Variants in ANKS1B observed in about 807,000 individuals in gnomAD.
ANKS1B encodes the protein ankyrin repeat and sterile alpha motif domain containing 1B, also known as ankyrin repeat and sterile alpha motif domain-containing protein 1B.
A neutral mutation model predicts 148.3 loss-of-function variants in ANKS1B; 36 were observed. The ratio of observed to expected loss-of-function variants is 0.24; its 90% CI spans 0.19 to 0.32. ANKS1B has a LOEUF of 0.32. Ranked by LOEUF, ANKS1B falls within the 10% of genes least tolerant of loss-of-function variation. The probability of loss-of-function intolerance (pLI) is 1.00; values close to 1 mark genes in which losing one functional copy is unlikely to be tolerated. For synonymous variants in ANKS1B, 542 were observed against 560.8 expected, an observed-to-expected ratio of 0.97 and a Z score of 0.47; for missense variants, 1,157 against 1,542.6, an observed-to-expected ratio of 0.75 and a Z score of 4.19.
In ANKS1B at chr12:99,855,043, C is replaced by T. The variant is rs570696501; in HGVS notation, c.135-29654G>A. Among the ~76,000 whole-genome samples the T allele has an allele frequency of 2.0e-5, 3 of 151,614 alleles. No individual in the cohort carries two copies. In the East Asian group the frequency reaches 5.8e-4, roughly 29 times the overall value. On this transcript the variant is annotated intron_variant, in intron 1 of 26. Transcript: ENST00000683438. The stretch of plus-strand genomic sequence containing the variant: ...AAATAGCATGATGAATAAAATAGTA[C>T]CTCACATCTCGATACTAACATTGAA...
chr12:98,968,014 G>T (rs1173451993), intron 17 of ANKS1B, among the ~76,000 whole-genome samples: 1 of 152,038 alleles, frequency 6.6e-6, no homozygotes, highest in Non-Finnish European at 1.5e-5. Flanking sequence ...GGGCATTTTT[G>T]GGAAAATAGG....
intron 12 of ANKS1B, among the ~76,000 whole-genome samples, chr12:99,360,652 C>T (rs946169967): frequency 3.3e-5 from 5 of 152,074 alleles, no homozygotes; most frequent in Admixed American, 2.6e-4. Flanking sequence ...CTTTCATAAG[C>T]ACAGCATGTA....
intron 10 of ANKS1B, among the ~76,000 whole-genome samples, chr12:99,494,998 A>T (rs1017897141): frequency 1.3e-5 from 2 of 152,072 alleles, no homozygotes; most frequent in Non-Finnish European, 2.9e-5. Flanking sequence ...AAAATATGAG[A>T]CCATCTGCTG....
chr12:99,481,855 G>C (rs12579567), intron 10 of ANKS1B, among the ~76,000 whole-genome samples: 5,790 of 151,790 alleles, frequency 0.038, 151 homozygotes, highest in South Asian at 0.084. Flanking sequence ...TCCTTGTCAA[G>C]TTTTTGAAGG....
At chr12:99,289,662 T>C (rs1405712576) in intron 12 of ANKS1B, among the ~76,000 whole-genome samples, 1 of 152,000 alleles carries the variant, frequency 6.6e-6, no homozygotes, top group African/African-American at 2.4e-5. Flanking sequence ...AATATGCTTC[T>C]GAATGACCAG....
At chr12:99,676,349 T>C (rs185411868) in intron 8 of ANKS1B, among the ~76,000 whole-genome samples, 6 of 152,302 alleles carry the variant, frequency 3.9e-5, no homozygotes, top group Admixed American at 2.0e-4. Context: ...CACATCTCTG[T>C]ATGACAGGTG....
At chr12:98,940,731 A>T (rs1322146729) in intron 17 of ANKS1B, among the ~76,000 whole-genome samples, 1 of 152,240 alleles carries the variant, frequency 6.6e-6, no homozygotes, top group Non-Finnish European at 1.5e-5. Context: ...GTGAGGCAAC[A>T]AATGAATCAA....
intron 9 of ANKS1B, among the ~76,000 whole-genome samples, chr12:99,564,071 C>T (rs1329118235): frequency 6.6e-6 from 1 of 152,042 alleles, no homozygotes; most frequent in African/African-American, 2.4e-5. Flanking sequence ...TTGGATTGTA[C>T]TTGTTTTGTT....
intron 12 of ANKS1B, among the ~76,000 whole-genome samples, chr12:99,300,405 G>A (rs1410031586): frequency 1.3e-5 from 2 of 151,490 alleles, no homozygotes; most frequent in Non-Finnish European, 2.9e-5. Context: ...TGGGCTTTTT[G>A]TTTTCTCTCA....
intron 8 of ANKS1B, among the ~76,000 whole-genome samples, chr12:99,751,578 C>T (rs1367342561): frequency 6.6e-6 from 1 of 152,008 alleles, no homozygotes; most frequent in Non-Finnish European, 1.5e-5. Context: ...CTAACATCTA[C>T]CCATCCACCC....
chr12:99,819,811 A>G (rs1446427968), intron 2 of ANKS1B, among the ~76,000 whole-genome samples: 2 of 151,550 alleles, frequency 1.3e-5, no homozygotes, highest in African/African-American at 4.8e-5. Context: ...AAAAGAAGAG[A>G]GGAGAAAAGT....
At chr12:99,196,615 C>CT (rs1036146365) in intron 14 of ANKS1B, among the ~76,000 whole-genome samples, 19 of 150,424 alleles carry the variant, frequency 1.3e-4, no homozygotes, top group South Asian at 2.1e-4. Context: ...TGTTTTTTTT[C>CT]TTTTTTTTAA....
chr12:99,491,132 C>T (rs2096551057), intron 10 of ANKS1B, among the ~76,000 whole-genome samples: 1 of 151,986 alleles, frequency 6.6e-6, no homozygotes, highest in African/African-American at 2.4e-5. Flanking sequence ...AGTGAAACCC[C>T]ATCTCTATTA....
intron 1 of ANKS1B, among the ~76,000 whole-genome samples, chr12:99,960,309 T>C (rs915340488): frequency 6.6e-6 from 1 of 152,228 alleles, no homozygotes; most frequent in African/African-American, 2.4e-5. Flanking sequence ...GGTTTCCTTA[T>C]AAACTTCTAA....
intron 17 of ANKS1B, among the ~76,000 whole-genome samples, chr12:98,978,735 C>G (rs1024957959): frequency 1.3e-5 from 2 of 152,014 alleles, no homozygotes; most frequent in Admixed American, 6.6e-5. Context: ...ATTTTTCCTG[C>G]TATTGTGATA....
intron 11 of ANKS1B, among the ~76,000 whole-genome samples, chr12:99,410,729 T>C (rs1473428468): frequency 6.6e-6 from 1 of 152,126 alleles, no homozygotes; most frequent in East Asian, 1.9e-4. Context: ...GAGGTAAAGT[T>C]GAACAGACAC....
At chr12:98,992,198 C>A (rs2099927015) in intron 17 of ANKS1B, among the ~76,000 whole-genome samples, 1 of 152,220 alleles carries the variant, frequency 6.6e-6, no homozygotes, top group African/African-American at 2.4e-5. Context: ...AAATGCCACA[C>A]TCTTTTCTGT....
intron 17 of ANKS1B, among the ~76,000 whole-genome samples, chr12:98,841,222 G>C (rs568574295): frequency 6.6e-6 from 1 of 151,984 alleles, no homozygotes; most frequent in East Asian, 1.9e-4. Context: ...TATGGTTACC[G>C]AAATTCATTA....
intron 17 of ANKS1B, among the ~76,000 whole-genome samples, chr12:98,860,114 T>C (rs1308196802): frequency 1.3e-5 from 2 of 152,256 alleles, no homozygotes; most frequent in African/African-American, 2.4e-5. Context: ...GTTCTGTTAA[T>C]GTATGTATGA....
Sources: allele counts gnomAD v4.1 joint callset (sites outside exome capture counted in the v4.1 genomes callset), GRCh38; gene constraint gnomAD v4.1.1; transcripts MANE v1.5; gene names NCBI Gene and HGNC (gene_info 2026-07-23, HGNC 2026-07-21).